The following ERMP1 variants were observed in gnomAD, a reference collection of about 807,000 sequenced individuals.
ERMP1 encodes Felix-ina.
A neutral mutation model predicts 92.0 loss-of-function variants in ERMP1; 86 were observed. The ratio of observed to expected loss-of-function variants is 0.93; its 90% CI spans 0.79 to 1.12. ERMP1 has a LOEUF of 1.12. Among genes scored for constraint, ERMP1 ranks in the 50% most tolerant of loss-of-function variants. The pLI, the probability that ERMP1 is intolerant of heterozygous loss-of-function variation, is 0.00. For synonymous variants in ERMP1, 530 were observed against 412.8 expected (o/e 1.28, Z -3.44); for missense variants, 1,342 against 1,116.3 (o/e 1.20, Z -2.88).
At chr9:5,833,885 G>A (rs1393614325), upstream of ERMP1, among the ~76,000 whole-genome samples, 1 of 152,146 alleles carries the variant, frequency 6.6e-6, no homozygotes, top group Non-Finnish European at 1.5e-5. Context: ...CAGAGCCTTG[G>A]TTTCAGTGCA....
chr9:5,807,392 C>A (rs1006560559), intron 8 of ERMP1, among the ~76,000 whole-genome samples: 1 of 152,154 alleles, frequency 6.6e-6, no homozygotes, highest in Admixed American at 6.5e-5. Context: ...TTTATACATT[C>A]CCACCTTAAA....
rs201259080 is a variant in ERMP1 at position 5,797,579 on chromosome 9, C to T, written c.2386+238G>A. Among the ~76,000 whole-genome samples the T allele has an allele frequency of 2.1e-4, 32 of 149,768 alleles. 1 individual carries two copies. In the East Asian group the frequency reaches 5.5e-3, roughly 26 times the overall value. On this transcript the variant is annotated intron_variant, in intron 13 of 14. Transcript: ENST00000339450. ...AGGAGAATCACTTGAACCCAGGAGGCGGAGGTTGCAGTGAGCCGAGATCGT... is the reference window on the plus strand; with the variant it reads ...AGGAGAATCACTTGAACCCAGGAGGTGGAGGTTGCAGTGAGCCGAGATCGT...
chr9:5,813,542 T>C (rs929935034), intron 4 of ERMP1, among the ~76,000 whole-genome samples: 1 of 152,162 alleles, frequency 6.6e-6, no homozygotes, highest in Non-Finnish European at 1.5e-5. Context: ...TGCATTATAC[T>C]AGTAAGCATC....
chr9:5,837,723 A>G (rs1469686791), upstream of ERMP1, among the ~76,000 whole-genome samples: 2 of 152,226 alleles, frequency 1.3e-5, no homozygotes, highest in African/African-American at 2.4e-5. Context: ...AAAAATATCA[A>G]CGCCTCAATA....
chr9:5,849,169 T>C (rs1006412912), intron 6 of ERMP1, among the ~76,000 whole-genome samples: 2 of 152,148 alleles, frequency 1.3e-5, no homozygotes, highest in Non-Finnish European at 2.9e-5. Context: ...ACTATAGGCA[T>C]GTGCCACCAC....
At chr9:5,802,989 C>T (rs1828729598) in intron 10 of ERMP1, among the ~76,000 whole-genome samples, 1 of 152,154 alleles carries the variant, frequency 6.6e-6, no homozygotes, top group Non-Finnish European at 1.5e-5. Context: ...GCCGAGATTA[C>T]ACCACTGCAC....
At chr9:5,845,948 G>A (rs960927100) in intron 6 of ERMP1, among the ~76,000 whole-genome samples, 1 of 152,170 alleles carries the variant, frequency 6.6e-6, no homozygotes, top group African/African-American at 2.4e-5. Flanking sequence ...CAGAGAAGAA[G>A]CCACTTTGGA....
rs1253669457 is a variant in ERMP1 at position 5,850,985 on chromosome 9, C to T, written n.3199+8483G>A. Among the ~76,000 whole-genome samples, 4 of 152,208 alleles carry T rather than the reference C, an allele frequency of 2.6e-5. No homozygotes were observed. The South Asian group carries it at 8.3e-4, about 32-fold the overall frequency. ...CCTCACCCTCAATTCAATCCCCCAT[C>T]CAGGAACTGCCCATGCCCTGACATC... On this transcript the variant is annotated intron_variant and non_coding_transcript_variant, in intron 6 of 6. Coordinates refer to the ERMP1 transcript ENST00000690753.
intron 4 of ERMP1, among the ~76,000 whole-genome samples, chr9:5,822,069 C>T (rs911084014): frequency 7.9e-5 from 12 of 152,006 alleles, no homozygotes; most frequent in African/African-American, 2.9e-4. Flanking sequence ...GCCTGGGCAA[C>T]ATGGCCAAAC....
chr9:5,803,216 C>A (rs1216502252), intron 10 of ERMP1, among the ~76,000 whole-genome samples: 1 of 152,174 alleles, frequency 6.6e-6, no homozygotes, highest in African/African-American at 2.4e-5. Flanking sequence ...AAGCCACTAT[C>A]ATTAACACTG....
chr9:5,807,046 A>G lies in ERMP1; in HGVS notation c.1549-1261T>C, dbSNP rs182068723. 6.8e-3 allele frequency among the ~76,000 whole-genome samples: 1,029 copies of G among 152,306 alleles called. 3 individuals are homozygous for G. The highest frequency in any genetic ancestry group is 0.01 in the Middle Eastern group (3 of 294). On this transcript the variant is annotated intron_variant, in intron 8 of 14. Transcript: ENST00000339450. ...ATAAGAAAATTATTATTATAGTTCA[A>G]TTTGAAGCTGAATGCCACTCAGATA...
chr9:5,790,941 C>G (rs1828166460), intron 13 of ERMP1, among the ~76,000 whole-genome samples: 2 of 152,136 alleles, frequency 1.3e-5, no homozygotes, highest in Non-Finnish European at 2.9e-5. Flanking sequence ...CCAAAACTAA[C>G]TGAACTGTGT....
rs747185661 is a variant in ERMP1 at position 5,797,949 on chromosome 9, C to T, written c.2271-17G>A. On this transcript the variant is annotated splice_polypyrimidine_tract_variant and intron_variant, in intron 12 of 14. Coordinates refer to ENST00000339450, the MANE Select transcript of ERMP1 (RefSeq NM_024896.3). ...CAGTTTTTCCTATTTAGAAAGGAAGCTTCAGTTTTAGGGTGCTTTATTATT... is the reference window on the plus strand; with the variant it reads ...CAGTTTTTCCTATTTAGAAAGGAAGTTTCAGTTTTAGGGTGCTTTATTATT... 2 of 1,532,614 alleles carry T rather than the reference C, an allele frequency of 1.3e-6. No individual in the cohort carries two copies. Among genetic ancestry groups the T allele is most frequent in the Admixed American group, 1.7e-5 (1 of 59,560 alleles). 94.9% of individuals were successfully genotyped at this position (1,532,614 alleles called of 1,614,324 possible). A position where few individuals can be genotyped will look rare whatever the true frequency, so the allele number is the denominator to read the frequency against.
At chr9:5,843,779 C>A (rs1357979765) in intron 6 of ERMP1, among the ~76,000 whole-genome samples, 1 of 152,204 alleles carries the variant, frequency 6.6e-6, no homozygotes, top group Non-Finnish European at 1.5e-5. Context: ...TCTCTCTCAT[C>A]CCCATCCCCT....
At chr9:5,845,983 A>T (rs916726208) in intron 6 of ERMP1, among the ~76,000 whole-genome samples, 10 of 152,144 alleles carry the variant, frequency 6.6e-5, no homozygotes, top group Admixed American at 2.6e-4. Context: ...TGGATGGGCA[A>T]ATGTGGCCAG....
rs780638567 is a variant in ERMP1, at chr9:5,823,981, A to C, written c.789T>G (p.Thr263=). 6.2e-7 allele frequency: 1 copy of C among 1,613,940 alleles called. No individual in the cohort carries two copies. The highest frequency in any genetic ancestry group is 8.5e-7 in the Non-Finnish European group (1 of 1,179,832). Residue 263 remains threonine (T), a synonymous_variant, in exon 4 of 15, where the codon ACT becomes ACG. Transcript: ENST00000339450. ...NVLQASHGFI[T]QHPWASLIRA... is the part of the protein sequence containing the mutation. ...GAATCAAGCTAGCCCAGGGGTGCTGAGTAATGAAACCATGACTGGCCTTAA... is the reference window on the plus strand; with the variant it reads ...GAATCAAGCTAGCCCAGGGGTGCTGCGTAATGAAACCATGACTGGCCTTAA...
In ERMP1 at chr9:5,832,809, G is replaced by A. The variant is rs778424080; in HGVS notation, c.219C>T (p.Ala73=). The A allele has an allele frequency of 5.3e-6, 8 of 1,501,212 alleles. No individual in the cohort carries two copies. Among genetic ancestry groups the A allele is most frequent in the Admixed American group, 2.1e-5 (1 of 46,926 alleles). 93.0% of individuals were successfully genotyped at this position (1,501,212 alleles called of 1,614,324 possible). The stretch of plus-strand genomic sequence containing the variant: ...TCAGGTAGAGCGCGAGCCCCAGCGC[G>A]GCGCGCACCTCAGACAGCCCGGTCC... The part of the protein sequence containing the change: ...GAGTGLSEVR[A]ALGLALYLIA... Residue 73 remains alanine (A), a synonymous_variant, in exon 1 of 15, where the codon GCC becomes GCT. Transcript: ENST00000339450.
At chr9:5,817,867 G>A (rs1829379797) in intron 4 of ERMP1, among the ~76,000 whole-genome samples, 1 of 151,672 alleles carries the variant, frequency 6.6e-6, no homozygotes, top group Non-Finnish European at 1.5e-5. Context: ...AAAAAAAAAA[G>A]GAGGAACTAA....
rs1829030318 is a variant in ERMP1, at chr9:5,810,038, A to G, written c.1521T>C (p.His507=). ...TGTAATAAAATCTTTTCGCAAGAGT[A>G]TGTATAAGTATTATTTTGGCTACAG... The part of the protein sequence containing the change: ...TATVAKIILI[H]TLAKRFYYMN... Residue 507 remains histidine, a synonymous_variant, in exon 8 of 15, where the codon CAT becomes CAC. Coordinates refer to ENST00000339450, the MANE Select transcript of ERMP1 (RefSeq NM_024896.3). 4 of 1,611,488 alleles carry G rather than the reference A, an allele frequency of 2.5e-6. No homozygotes were observed. Among genetic ancestry groups the G allele is most frequent in the Non-Finnish European group, 3.4e-6 (4 of 1,177,776 alleles).
Sources: gnomAD v4.1 joint callset for allele counts (sites outside exome capture counted in the v4.1 genomes callset) on GRCh38, gnomAD v4.1.1 for gene constraint, MANE v1.5 for transcripts, NCBI Gene and HGNC (gene_info 2026-07-23, HGNC 2026-07-21) for gene names.